The following SLC1A3 variants were observed in gnomAD, a reference collection of about 807,000 sequenced individuals.
SLC1A3 encodes solute carrier family 1 member 3.
SLC1A3 carries 21 observed loss-of-function variants against 48.1 expected under a neutral mutation model. That is an observed-to-expected ratio of 0.44 (90% CI 0.31 to 0.63). The LOEUF (loss-of-function observed/expected upper bound fraction) is 0.63, where lower values mean the gene tolerates loss of function less well. SLC1A3 is among the 20% of genes least tolerant of loss of function. SLC1A3 has a pLI of 0.08. For missense variants in SLC1A3, 546 were observed against 689.0 expected (o/e 0.79, Z 2.32); for synonymous variants, 239 against 251.4 (o/e 0.95, Z 0.47).
intron 3 of SLC1A3, among the ~76,000 whole-genome samples, chr5:36,633,963 C>T (rs1410896249): frequency 1.3e-5 from 2 of 152,130 alleles, no homozygotes; most frequent in African/African-American, 2.4e-5. Context: ...GCCTGAGACC[C>T]GACTCCCCCG....
intron 3 of SLC1A3, among the ~76,000 whole-genome samples, chr5:36,637,912 A>G (rs1740457092): frequency 6.6e-6 from 1 of 151,426 alleles, no homozygotes; most frequent in African/African-American, 2.4e-5. Context: ...TTGATCTGAA[A>G]TGGAGCTTGG....
chr5:36,602,009 G>A (rs1303008126), upstream of SLC1A3, among the ~76,000 whole-genome samples: 1 of 152,134 alleles, frequency 6.6e-6, no homozygotes, highest in Non-Finnish European at 1.5e-5. Context: ...TAGACAGGGA[G>A]AATTGCAGCA....
chr5:36,612,477 T>TG (rs999022226), intron 2 of SLC1A3, among the ~76,000 whole-genome samples: 8 of 151,742 alleles, frequency 5.3e-5, no homozygotes, highest in Non-Finnish European at 1.2e-4. Flanking sequence ...CCCAGCTACT[T>TG]GGGGGGGCTG....
chr5:36,601,368 C>T (rs2111630626), intron 1 of SLC1A3, among the ~76,000 whole-genome samples: 1 of 152,256 alleles, frequency 6.6e-6, no homozygotes, highest in East Asian at 1.9e-4. Flanking sequence ...ACTAAACAGA[C>T]CAAAGTGGAT....
At chr5:36,617,785 A>C (rs2111704442) in intron 2 of SLC1A3, among the ~76,000 whole-genome samples, 1 of 152,306 alleles carries the variant, frequency 6.6e-6, no homozygotes, top group South Asian at 2.1e-4. Flanking sequence ...AACTTATTTA[A>C]GCAATTACCA....
In SLC1A3 at chr5:36,679,822, G is replaced by A. The variant is rs776777291; in HGVS notation, c.1056G>A (p.Leu352=). ...ACCCTTGGGTTTTTATTGGAGGGTT[G>A]CTGCAAGCACTCATCACCGCTCTGG... The part of the protein sequence containing the change: ...RKNPWVFIGG[L]LQALITALGT... The change falls in exon 7 of 10, where the codon TTG becomes TTA. Residue 352 remains leucine (L), a synonymous_variant. Coordinates refer to ENST00000265113, the MANE Select transcript of SLC1A3 (RefSeq NM_004172.5). 6.2e-7 allele frequency: 1 copy of A among 1,614,092 alleles called. No homozygotes were observed. Among genetic ancestry groups the A allele is most frequent in the East Asian group, 2.2e-5 (1 of 44,882 alleles).
chr5:36,624,781 A>C (rs1189364306), intron 2 of SLC1A3, among the ~76,000 whole-genome samples: 1 of 152,106 alleles, frequency 6.6e-6, no homozygotes, highest in African/African-American at 2.4e-5. Flanking sequence ...GCTTTATATA[A>C]GTTTTATTAA....
At chr5:36,605,756 T>C (rs750740592), upstream of SLC1A3, among the ~76,000 whole-genome samples, 10 of 152,326 alleles carry the variant, frequency 6.6e-5, no homozygotes, top group Non-Finnish European at 1.3e-4. Flanking sequence ...CAATTTATTT[T>C]TCTTTTAAGA....
chr5:36,680,314 T>G (rs1742385751), intron 7 of SLC1A3, 81 bp from the exon 8 acceptor site: 1 of 1,155,246 alleles, frequency 8.7e-7, no homozygotes, highest in Admixed American at 1.7e-5. Context: ...AGGAAGGAAC[T>G]GTCTGTCCCA....
intron 6 of SLC1A3, among the ~76,000 whole-genome samples, 182 bp from the exon 7 acceptor site, chr5:36,679,445 A>AAAAAGAAGTCCACAGTTTCTGTAAG (rs1455518120): frequency 6.6e-6 from 1 of 152,226 alleles, no homozygotes; most frequent in Admixed American, 6.5e-5. Context: ...ACAAAAGAAA[A>AAAAAGAAGTCCACAGTTTCTGTAAG]AAAAGAAGTC....
intron 1 of SLC1A3, among the ~76,000 whole-genome samples, chr5:36,607,754 T>C (rs1225152513): frequency 6.6e-6 from 1 of 152,260 alleles, no homozygotes; most frequent in Non-Finnish European, 1.5e-5. Context: ...TCCCATGTAC[T>C]GTGGGCACTT....
At chr5:36,631,007 TA>T (rs1011208074) in intron 3 of SLC1A3, among the ~76,000 whole-genome samples, 4 of 152,220 alleles carry the variant, frequency 2.6e-5, no homozygotes, top group Admixed American at 2.6e-4. Context: ...CATATGCTGA[TA>T]TTTTTCTGGG....
chr5:36,669,299 C>G (rs990114216), intron 3 of SLC1A3: 2 of 152,114 alleles, frequency 1.3e-5, no homozygotes, highest in Non-Finnish European at 2.9e-5. Flanking sequence ...TGGGATACTT[C>G]GGTTGGGAAC....
intron 9 of SLC1A3, among the ~76,000 whole-genome samples, chr5:36,684,350 G>C (rs1742559454): frequency 6.6e-6 from 1 of 152,248 alleles, no homozygotes; most frequent in Non-Finnish European, 1.5e-5. Flanking sequence ...GAACAAAGCT[G>C]CAGGCCCCAC....
intron 8 of SLC1A3, among the ~76,000 whole-genome samples, chr5:36,682,914 AC>A (rs998591653): frequency 1.7e-4 from 26 of 152,376 alleles, no homozygotes; most frequent in South Asian, 2.1e-4. Context: ...ACTTTCTGTG[AC>A]AGACTTAATA....
chr5:36,685,559 A>G (rs1742610553), intron 9 of SLC1A3, among the ~76,000 whole-genome samples: 1 of 152,206 alleles, frequency 6.6e-6, no homozygotes, highest in South Asian at 2.1e-4. Context: ...TACAGGTGTG[A>G]GCCACGGTGC....
intron 8 of SLC1A3, among the ~76,000 whole-genome samples, chr5:36,683,400 A>G (rs928431867): frequency 6.7e-6 from 1 of 148,842 alleles, no homozygotes; most frequent in African/African-American, 2.5e-5. Flanking sequence ...GATTAGTTCA[A>G]TTTTTTTTTT....
chr5:36,679,116 C>T (rs1056280824), intron 6 of SLC1A3, among the ~76,000 whole-genome samples: 1 of 152,168 alleles, frequency 6.6e-6, no homozygotes, highest in Admixed American at 6.5e-5. Context: ...GGTGTAGCAT[C>T]GTGTGCCTCT....
At chr5:36,598,876 C>A (rs1738773655) in intron 1 of SLC1A3, among the ~76,000 whole-genome samples, 1 of 152,286 alleles carries the variant, frequency 6.6e-6, no homozygotes, top group Non-Finnish European at 1.5e-5. Flanking sequence ...AGTCCGCCAA[C>A]CTTGGCCTTC....
Sources: gnomAD v4.1 joint callset for allele counts (sites outside exome capture counted in the v4.1 genomes callset) on GRCh38, gnomAD v4.1.1 for gene constraint, MANE v1.5 for transcripts, NCBI Gene and HGNC (gene_info 2026-07-23, HGNC 2026-07-21) for gene names.